DNMT3A: variants seen among roughly 807,000 people sequenced by gnomAD.
The protein encoded by DNMT3A is DNA methyltransferase 3 alpha, also known as DNA (cytosine-5)-methyltransferase 3A.
In DNMT3A, 267 loss-of-function variants were observed where a neutral mutation model predicts 117.6. That is an observed-to-expected ratio of 2.27 (90% CI 2.05 to 2.51). The LOEUF is 2.51. DNMT3A is among the 30% of genes most tolerant of loss of function. The pLI is 0.00. For synonymous variants in DNMT3A, 432 were observed against 474.8 expected, an observed-to-expected ratio of 0.91 and a Z score of 1.17; for missense variants, 1,029 against 1,260.2, an observed-to-expected ratio of 0.82 and a Z score of 2.78.
Position 25,237,702 on chromosome 2 carries a change from C to T in DNMT3A, c.2409-697G>A, listed in dbSNP as rs1412172141. 6.6e-6 allele frequency among the ~76,000 whole-genome samples: 1 copy of T among 151,652 alleles called. No individual in the cohort carries two copies. The highest frequency in any genetic ancestry group is 2.4e-5 in the African/African-American group (1 of 41,242). On this transcript the variant is annotated intron_variant, in intron 20 of 22. Transcript: ENST00000321117. This position sits in a 1 kb window ranked among gnomAD's most constrained non-coding sequence, Gnocchi z 5.4. ...ATCGCTTGAACCTGGGAGGCGGAGG[C>T]TGCAGTGAGCCAGGATGGCACCACT...
In DNMT3A at chr2:25,248,856, TG is replaced by T. The variant is rs777548461; in HGVS notation, c.640-605del. On this transcript the variant is annotated intron_variant, in intron 6 of 22. Coordinates refer to ENST00000321117, the MANE Select transcript of DNMT3A (RefSeq NM_022552.5). ...AGCCACTGTGTCTAGCCTACGTTAA[TG>T]TTTTTTTTTTAATTTTATTATTATT... 1.7e-4 allele frequency among the ~76,000 whole-genome samples: 25 copies of T among 151,330 alleles called. No homozygotes were observed. In the South Asian group the frequency reaches 1.7e-3, roughly 10 times the overall value.
At chr2:25,310,233 CT>C (rs1375606531) in intron 2 of DNMT3A, among the ~76,000 whole-genome samples, 1 of 152,036 alleles carries the variant, frequency 6.6e-6, no homozygotes, top group Non-Finnish European at 1.5e-5. Context: ...TGAGGTGGCC[CT>C]TGGACTGTTC....
chr2:25,248,362 C>T, intron 6 of DNMT3A, 110 bp from the exon 7 acceptor site: 1 of 1,284,130 alleles, frequency 7.8e-7, no homozygotes, highest in African/African-American at 1.5e-5. Flanking sequence ...GACAGAAGGT[C>T]AAGGGCTGGA....
intron 1 of DNMT3A, among the ~76,000 whole-genome samples, chr2:25,315,079 G>C (rs1163010001): frequency 2.6e-5 from 4 of 152,188 alleles, no homozygotes; most frequent in Non-Finnish European, 5.9e-5. Context: ...GGGCCCAGGA[G>C]GGGATTGGCA....
intron 1 of DNMT3A, among the ~76,000 whole-genome samples, chr2:25,338,511 C>T (rs975110814): frequency 3.3e-5 from 5 of 152,162 alleles, no homozygotes; most frequent in African/African-American, 7.2e-5. Flanking sequence ...TGGGCAGCGG[C>T]GCACAGCAGC....
rs191944427 is a variant in DNMT3A, at chr2:25,237,414, C to G, written c.2409-409G>C. On this transcript the variant is annotated intron_variant, in intron 20 of 22. Transcript: ENST00000321117. This position sits in a 1 kb window ranked among gnomAD's most constrained non-coding sequence, Gnocchi z 5.4. ...ATCTTGATTTGTGGTGATTGTTACA[C>G]GGGTGTGTCCACTGGATGAAATTAA... Among the ~76,000 whole-genome samples, 1 of 152,188 alleles carries G rather than the reference C, an allele frequency of 6.6e-6. No individual in the cohort carries two copies. The highest frequency in any genetic ancestry group is 1.5e-5 in the Non-Finnish European group (1 of 68,028).
Position 25,231,414 on chromosome 2 carries a change from G to C in DNMT3A, c.*2865C>G, listed in dbSNP as rs556261626. ...GCATGATCTTAAACACCAATCTGTC[G>C]AGGAGACAGTAGATTGGGGTCCAGG... On this transcript the variant is annotated 3_prime_UTR_variant, in exon 23 of 23. Coordinates refer to ENST00000321117, the MANE Select transcript of DNMT3A (RefSeq NM_022552.5). 6.6e-6 allele frequency: 1 copy of C among 152,214 alleles called. No individual in the cohort carries two copies. The highest frequency in any genetic ancestry group is 2.4e-5 in the African/African-American group (1 of 41,458). The allele number at this position is 152,214 out of a possible 1,614,324, so 9.4% of individuals were successfully genotyped here.
In DNMT3A at chr2:25,240,373, A is replaced by T. The variant is rs750962348; in HGVS notation, c.2251T>A (p.Phe751Ile). 1 of 1,614,154 alleles carries T rather than the reference A, an allele frequency of 6.2e-7. No individual in the cohort carries two copies. The highest frequency in any genetic ancestry group is 1.1e-5 in the South Asian group (1 of 91,084). ...ACCACATTCTCAAAGAGCCAGAAGA[A>T]GGGGCGATCATCTCCCTCCTTGGGC... The part of the protein sequence containing the change: ...ARPKEGDDRP[F>I]FWLFENVVAM... The change falls in exon 19 of 23, where the codon TTC (phenylalanine) becomes ATC (isoleucine). Residue 751 changes from phenylalanine to isoleucine, a missense_variant. By Grantham distance (21) the Phe-to-Ile change is conservative. Transcript: ENST00000321117.
At position 25,281,163 on chromosome 2, in the gene DNMT3A, G is replaced by A. The variant is rs934555163; in HGVS notation, c.448+1278C>T. On this transcript the variant is annotated intron_variant, in intron 4 of 22. Transcript: ENST00000321117. This position sits in a 1 kb window ranked among gnomAD's most constrained non-coding sequence, Gnocchi z 4.8. ...AAGAGGCCTAGACAATTCAGGACCCGTCTCCGCACCAAGTCCCATTCCAGG... is the reference window on the plus strand; with the variant it reads ...AAGAGGCCTAGACAATTCAGGACCCATCTCCGCACCAAGTCCCATTCCAGG... Among the ~76,000 whole-genome samples the A allele has an allele frequency of 2.7e-4, 41 of 152,240 alleles. No individual in the cohort carries two copies. Among genetic ancestry groups the A allele is most frequent in the African/African-American group, 9.1e-4 (38 of 41,546 alleles).
chr2:25,305,740 C>A lies in DNMT3A; in HGVS notation c.73-5497G>T, dbSNP rs186946969. Among the ~76,000 whole-genome samples, 21 of 152,278 alleles carry A rather than the reference C, an allele frequency of 1.4e-4. No homozygotes were observed. In the East Asian group the frequency reaches 4.1e-3, roughly 29 times the overall value. On this transcript the variant is annotated intron_variant, in intron 2 of 22. Transcript: ENST00000321117. This position sits in a 1 kb window ranked among gnomAD's most constrained non-coding sequence, Gnocchi z 4.1. Reference sequence around the variant, plus strand: ...CACAGTGACACCATAAAGATACAGGCAATCCAAGGTCAAGGCACACTGGCA... The same window carrying A: ...CACAGTGACACCATAAAGATACAGGAAATCCAAGGTCAAGGCACACTGGCA...
At chr2:25,283,360 CAAAA>C (rs56884375) in intron 3 of DNMT3A, among the ~76,000 whole-genome samples, 2 of 66,366 alleles carry the variant, frequency 3.0e-5, no homozygotes, top group Non-Finnish European at 6.1e-5. Flanking sequence ...GACTCCGCCT[CAAAA>C]AAAAAAAAAA....
chr2:25,247,919 G>T lies in DNMT3A; in HGVS notation c.855+118C>A, dbSNP rs1282519965. ...AATCGGGGAGACGAAGAGGCCCGGG[G>T]TCAGGTGGAGAGAGCGAGCGGCCCG... On this transcript the variant is annotated intron_variant, in intron 7 of 22. Transcript: ENST00000321117. This position sits in a 1 kb window ranked among gnomAD's most constrained non-coding sequence, Gnocchi z 5.6. The T allele has an allele frequency of 2.8e-5, 42 of 1,525,842 alleles. No individual in the cohort carries two copies. The highest frequency in any genetic ancestry group is 2.4e-5 in the Non-Finnish European group (27 of 1,131,092). 94.5% of individuals were successfully genotyped at this position (1,525,842 alleles called of 1,614,324 possible).
At chr2:25,268,702 A>G (rs1002721779) in intron 6 of DNMT3A, among the ~76,000 whole-genome samples, 4 of 152,160 alleles carry the variant, frequency 2.6e-5, no homozygotes, top group Non-Finnish European at 5.9e-5. Context: ...TACAGGATGG[A>G]GGAGACTCTG....
intron 3 of DNMT3A, among the ~76,000 whole-genome samples, chr2:25,285,020 C>T (rs913928133): frequency 9.2e-5 from 14 of 152,176 alleles, no homozygotes; most frequent in African/African-American, 3.1e-4. Flanking sequence ...TGATGGTGGG[C>T]ATTTGGGCTG....
chr2:25,282,559 C>T lies in DNMT3A; in HGVS notation c.330G>A (p.Gln110=), dbSNP rs1358893219. 6.2e-7 allele frequency: 1 copy of T among 1,613,486 alleles called. No individual in the cohort carries two copies. The highest frequency in any genetic ancestry group is 1.1e-5 in the South Asian group (1 of 91,026). ...QPEEGSPAGG[Q]KGGAPAEGEG... is the part of the protein sequence containing the mutation. ...CTCCCTCTGCTGGGGCCCCGCCCTT[C>T]TGCCCCCCAGCAGGGCTCCCCTCCT... The change falls in exon 4 of 23, where the codon CAG becomes CAA. Residue 110 remains glutamine (Q), a synonymous_variant. Coordinates refer to ENST00000321117, the MANE Select transcript of DNMT3A (RefSeq NM_022552.5). The surrounding 1 kb of genome is among the most constrained non-coding windows in gnomAD (Gnocchi z 5.2).
chr2:25,310,792 C>T (rs946574787), intron 2 of DNMT3A, among the ~76,000 whole-genome samples: 3 of 152,294 alleles, frequency 2.0e-5, no homozygotes, highest in East Asian at 3.9e-4. Context: ...AACATCTGTG[C>T]GCAACAGTAT....
chr2:25,314,630 T>A, intron 1 of DNMT3A: 1 of 985,266 alleles, frequency 1.0e-6, no homozygotes, highest in Non-Finnish European at 1.2e-6. Context: ...AGTCACAGGA[T>A]GTAGTGAAAT....
Position 25,236,805 on chromosome 2 carries a change from A to T in DNMT3A, c.2478+131T>A. On this transcript the variant is annotated intron_variant, in intron 21 of 22. Coordinates refer to ENST00000321117, the MANE Select transcript of DNMT3A (RefSeq NM_022552.5). This position sits in a 1 kb window ranked among gnomAD's most constrained non-coding sequence, Gnocchi z 4.5. ...TGGCTGCCCTGCTGCATGACCCTGC[A>T]CCGTCTCCTAAATTGCATTCTCCAC... is the stretch of plus-strand genomic sequence containing the variant. 1.0e-6 allele frequency: 1 copy of T among 965,666 alleles called. No homozygotes were observed. The highest frequency in any genetic ancestry group is 1.5e-6 in the Non-Finnish European group (1 of 658,030). The allele number at this position is 965,666 out of a possible 1,614,324, so 59.8% of individuals were successfully genotyped here. A position where few individuals can be genotyped will look rare whatever the true frequency, so the allele number is the denominator to read the frequency against.
Position 25,252,440 on chromosome 2 carries a change from G to A in DNMT3A, c.640-4188C>T. On this transcript the variant is annotated intron_variant, in intron 6 of 22. Transcript: ENST00000321117. This position sits in a 1 kb window ranked among gnomAD's most constrained non-coding sequence, Gnocchi z 5.5. ...CTGCGAGCGGCCCGGGGAGGGGGCC[G>A]GCGCTCCGACGCTGGCGCTGGGCCA... 2 of 420,368 alleles carry A rather than the reference G, an allele frequency of 4.8e-6. No homozygotes were observed. The highest frequency in any genetic ancestry group is 8.4e-6 in the Non-Finnish European group (2 of 238,102). 26.0% of individuals were successfully genotyped at this position (420,368 alleles called of 1,614,324 possible).
Sources: gnomAD v4.1 joint callset for allele counts (sites outside exome capture counted in the v4.1 genomes callset) on GRCh38, gnomAD v4.1.1 for gene constraint, Gnocchi (gnomAD v3.1) non-coding constraint, MANE v1.5 for transcripts, NCBI Gene and HGNC (gene_info 2026-07-23, HGNC 2026-07-21) for gene names.